The following MNAT1 variants were observed in gnomAD, a reference collection of about 807,000 sequenced individuals.
MNAT1 encodes MNAT1 component of CDK activating kinase, also known as CDK-activating kinase assembly factor MAT1.
A neutral mutation model predicts 42.0 loss-of-function variants in MNAT1; 43 were observed. The ratio of observed to expected loss-of-function variants is 1.02; its 90% CI spans 0.80 to 1.32. MNAT1 has a LOEUF of 1.32. MNAT1 is among the 40% of genes most tolerant of loss of function. MNAT1 has a pLI of 0.00. For synonymous variants in MNAT1, 118 were observed against 120.0 expected, an observed-to-expected ratio of 0.98 and a Z score of 0.11; for missense variants, 306 against 350.4, an observed-to-expected ratio of 0.87 and a Z score of 1.01.
chr14:60,938,257 C>A (rs1413271730), intron 7 of MNAT1, among the ~76,000 whole-genome samples: 1 of 152,142 alleles, frequency 6.6e-6, no homozygotes, highest in African/African-American at 2.4e-5. Context: ...GAACTTCCAA[C>A]ACTATGTTGA....
chr14:60,780,432 A>G, intron 1 of MNAT1: 2 of 1,553,940 alleles, frequency 1.3e-6, no homozygotes, highest in Non-Finnish European at 1.8e-6. Context: ...TGTTCATTTG[A>G]TCTGCTGATT....
At chr14:60,823,054 C>T (rs1424963280) in intron 6 of MNAT1, among the ~76,000 whole-genome samples, 1 of 152,088 alleles carries the variant, frequency 6.6e-6, no homozygotes, top group Non-Finnish European at 1.5e-5. Flanking sequence ...CTGAGGAGCA[C>T]ACTTTTAATG....
chr14:60,812,684 A>G (rs1234583812), intron 5 of MNAT1, among the ~76,000 whole-genome samples: 1 of 152,082 alleles, frequency 6.6e-6, no homozygotes, highest in African/African-American at 2.4e-5. Flanking sequence ...TCTTCACTTC[A>G]ACCTTTTTTG....
At chr14:60,757,766 C>T (rs1365459585) in intron 1 of MNAT1, among the ~76,000 whole-genome samples, 1 of 152,180 alleles carries the variant, frequency 6.6e-6, no homozygotes, top group Non-Finnish European at 1.5e-5. Context: ...ACTGTTCATG[C>T]ATTTCCGTGC....
chr14:60,839,485 G>A (rs907001713), intron 6 of MNAT1, among the ~76,000 whole-genome samples: 2 of 152,158 alleles, frequency 1.3e-5, no homozygotes, highest in African/African-American at 4.8e-5. Flanking sequence ...ATTCTTCCTA[G>A]ATGTGGGATA....
intron 7 of MNAT1, among the ~76,000 whole-genome samples, chr14:60,934,342 A>C (rs1441433687): frequency 6.6e-6 from 1 of 152,166 alleles, no homozygotes; most frequent in Admixed American, 6.5e-5. Context: ...TGGGTCTGAA[A>C]ATTGATTTCA....
intron 7 of MNAT1, among the ~76,000 whole-genome samples, chr14:60,956,139 T>C (rs911761402): frequency 3.9e-5 from 6 of 152,110 alleles, no homozygotes; most frequent in Non-Finnish European, 8.8e-5. Context: ...TTTATTAGTA[T>C]AAATTTCTCA....
chr14:60,795,602 C>A (rs749828752), intron 1 of MNAT1, among the ~76,000 whole-genome samples: 4 of 152,152 alleles, frequency 2.6e-5, no homozygotes, highest in Non-Finnish European at 4.4e-5. Flanking sequence ...TATAAGCAGC[C>A]ACTCTTTCTG....
At chr14:60,869,139 A>G (rs2034274298) in intron 6 of MNAT1, among the ~76,000 whole-genome samples, 1 of 149,410 alleles carries the variant, frequency 6.7e-6, no homozygotes, top group African/African-American at 2.5e-5. Context: ...CCCGGGTTCA[A>G]GCAATTCTCC....
At chr14:60,882,062 G>A (rs560514898) in intron 7 of MNAT1, among the ~76,000 whole-genome samples, 37 of 152,262 alleles carry the variant, frequency 2.4e-4, no homozygotes, top group Non-Finnish European at 3.7e-4. Flanking sequence ...TTGGGAGGCT[G>A]AGGCAGGAGA....
At chr14:60,940,680 G>A (rs2036132129) in intron 7 of MNAT1, among the ~76,000 whole-genome samples, 3 of 152,168 alleles carry the variant, frequency 2.0e-5, no homozygotes, top group Admixed American at 1.3e-4. Context: ...GTCCCCCAAA[G>A]TGCTGGAATT....
At chr14:60,773,410 G>A (rs2031136623) in intron 1 of MNAT1, among the ~76,000 whole-genome samples, 1 of 152,124 alleles carries the variant, frequency 6.6e-6, no homozygotes, top group Non-Finnish European at 1.5e-5. Context: ...CATAACAAAT[G>A]TGATCACTGT....
intron 1 of MNAT1, among the ~76,000 whole-genome samples, chr14:60,749,562 T>C (rs1389012767): frequency 6.6e-6 from 1 of 152,212 alleles, no homozygotes; most frequent in Non-Finnish European, 1.5e-5. Context: ...ATCTGTACAA[T>C]GGGTTCACTA....
In MNAT1 at chr14:60,760,869, C is replaced by A. The variant is rs181378458; in HGVS notation, c.89+25918C>A. On this transcript the variant is annotated intron_variant, in intron 1 of 7. Coordinates refer to ENST00000261245, the MANE Select transcript of MNAT1 (RefSeq NM_002431.4). ...CACAGGTGAGTCAGTCTTTTGTGTTCTTACCAGGTGCATTATTGATTTTCA... is the reference window on the plus strand; with the variant it reads ...CACAGGTGAGTCAGTCTTTTGTGTTATTACCAGGTGCATTATTGATTTTCA... Among the ~76,000 whole-genome samples, 5 of 152,302 alleles carry A rather than the reference C, an allele frequency of 3.3e-5. No homozygotes were observed. In the East Asian group the frequency reaches 9.7e-4, roughly 29 times the overall value.
intron 6 of MNAT1, among the ~76,000 whole-genome samples, chr14:60,835,727 C>T (rs549312661): frequency 2.6e-4 from 40 of 152,200 alleles, no homozygotes; most frequent in African/African-American, 7.0e-4. Flanking sequence ...TTGCTCTTTT[C>T]GAGGATTATC....
At chr14:60,875,568 C>T (rs1030022198) in intron 6 of MNAT1, among the ~76,000 whole-genome samples, 2 of 151,932 alleles carry the variant, frequency 1.3e-5, no homozygotes, top group African/African-American at 2.4e-5. Context: ...TAAATAGTAA[C>T]GTTTCATGAA....
intron 7 of MNAT1, among the ~76,000 whole-genome samples, chr14:60,932,467 T>A (rs1237494141): frequency 3.3e-5 from 5 of 152,036 alleles, no homozygotes; most frequent in Non-Finnish European, 7.4e-5. Context: ...TTTTCCCTCC[T>A]TTAAAGACAT....
Position 60,740,833 on chromosome 14 carries a change from G to T in MNAT1, c.89+5882G>T, listed in dbSNP as rs536146340. Among the ~76,000 whole-genome samples the T allele has an allele frequency of 6.6e-6, 1 of 152,278 alleles. No individual in the cohort carries two copies. The highest frequency in any genetic ancestry group is 1.5e-5 in the Non-Finnish European group (1 of 68,008). On this transcript the variant is annotated intron_variant, in intron 1 of 7. Transcript: ENST00000261245. The surrounding 1 kb of genome is among the most constrained non-coding windows in gnomAD (Gnocchi z 4.1). ...TACATTTGAAAAGAATATACATTCT[G>T]TGGTTGTTGGGTGTAGTGTAGTATA... is the stretch of plus-strand genomic sequence containing the variant.
In MNAT1 at chr14:60,968,612, C is replaced by A; in HGVS notation, c.*263C>A. ...TGGAAGAGAGGAATAAATAATTCAC[C>A]TATATGTGTTTGAGGTTGTGACAGA... On this transcript the variant is annotated 3_prime_UTR_variant, in exon 8 of 8. Coordinates refer to ENST00000261245, the MANE Select transcript of MNAT1 (RefSeq NM_002431.4). 1 of 959,914 alleles carries A rather than the reference C, an allele frequency of 1.0e-6. No individual in the cohort carries two copies. Among genetic ancestry groups the A allele is most frequent in the Non-Finnish European group, 1.5e-6 (1 of 685,934 alleles). The allele number at this position is 959,914 out of a possible 1,614,324, so 59.5% of individuals were successfully genotyped here.
Sources: gnomAD v4.1 joint callset for allele counts (sites outside exome capture counted in the v4.1 genomes callset) on GRCh38, gnomAD v4.1.1 for gene constraint, Gnocchi (gnomAD v3.1) non-coding constraint, MANE v1.5 for transcripts, NCBI Gene and HGNC (gene_info 2026-07-23, HGNC 2026-07-21) for gene names.